HACD2: variants seen among roughly 807,000 people sequenced by gnomAD.
The protein encoded by HACD2 is 3-hydroxyacyl-CoA dehydratase 2, also known as very-long-chain (3R)-3-hydroxyacyl-CoA dehydratase 2.
Under a neutral mutation model 31.0 loss-of-function variants are expected in HACD2, and 15 were observed. That is an observed-to-expected ratio of 0.48 (90% CI 0.32 to 0.75). HACD2 has a LOEUF of 0.75. HACD2 is among the 30% of genes least tolerant of loss of function. The probability of loss-of-function intolerance (pLI) is 0.03; values close to 1 mark genes in which losing one functional copy is unlikely to be tolerated. For synonymous variants in HACD2, 115 were observed against 122.2 expected (o/e 0.94, Z 0.39); for missense variants, 283 against 313.0 (o/e 0.90, Z 0.72).
At chr3:123,511,930 C>T (rs35023533) in intron 4 of HACD2, among the ~76,000 whole-genome samples, 5,812 of 152,150 alleles carry the variant, frequency 0.038, 696 homozygotes, top group East Asian at 0.35. Flanking sequence ...GTGAAGAGCC[C>T]GTTGCCACCC....
At chr3:123,517,064 G>A (rs143265324) in intron 4 of HACD2, among the ~76,000 whole-genome samples, 1 of 152,302 alleles carries the variant, frequency 6.6e-6, no homozygotes, top group African/African-American at 2.4e-5. Context: ...TGCCATTTAA[G>A]CAGTTACCAT....
intron 4 of HACD2, among the ~76,000 whole-genome samples, chr3:123,523,691 A>G (rs1001865094): frequency 2.0e-5 from 3 of 152,182 alleles, no homozygotes; most frequent in Non-Finnish European, 4.4e-5. Flanking sequence ...TCCCAGGAAG[A>G]GGTGTCGGCA....
At chr3:123,581,733 A>C (rs1036606253) in intron 2 of HACD2, among the ~76,000 whole-genome samples, 2 of 152,196 alleles carry the variant, frequency 1.3e-5, no homozygotes, top group African/African-American at 2.4e-5. Context: ...TACTTACCCC[A>C]AGAGAGAGGG....
In HACD2 at chr3:123,524,679, T is replaced by C. The variant is rs1040029203; in HGVS notation, c.381+3707A>G. On this transcript the variant is annotated intron_variant, in intron 4 of 6. Coordinates refer to ENST00000383657, the MANE Select transcript of HACD2 (RefSeq NM_198402.5). ...ATGTTTACGTCAGGTTTTCTTGTTT[T>C]TTGTTTTGTAGAGATGAGGTCTCAC... is the stretch of plus-strand genomic sequence containing the variant. Among the ~76,000 whole-genome samples, 4 of 152,170 alleles carry C rather than the reference T, an allele frequency of 2.6e-5. No homozygotes were observed. In the East Asian group the frequency reaches 7.7e-4, roughly 29 times the overall value.
At chr3:123,531,508 C>T (rs2056360078) in intron 3 of HACD2, among the ~76,000 whole-genome samples, 1 of 151,984 alleles carries the variant, frequency 6.6e-6, no homozygotes, top group Non-Finnish European at 1.5e-5. Flanking sequence ...TTGTTAGAGG[C>T]GGAGTTTCAG....
chr3:123,541,127 C>T (rs1234033926), intron 3 of HACD2, among the ~76,000 whole-genome samples: 1 of 151,958 alleles, frequency 6.6e-6, no homozygotes, highest in Non-Finnish European at 1.5e-5. Context: ...AAAAATTAGC[C>T]GGGTGTGGTG....
chr3:123,516,344 C>A (rs1294362093), intron 4 of HACD2, among the ~76,000 whole-genome samples: 1 of 151,398 alleles, frequency 6.6e-6, no homozygotes, highest in South Asian at 2.1e-4. Context: ...ACGCCATTCT[C>A]CTGCCTCAGC....
chr3:123,526,804 A>G (rs1236096370), intron 4 of HACD2, among the ~76,000 whole-genome samples: 1 of 141,682 alleles, frequency 7.1e-6, no homozygotes, highest in Non-Finnish European at 1.6e-5. Flanking sequence ...ACCAGTTTCA[A>G]TGATCTACAC....
At chr3:123,540,250 A>G (rs940830468) in intron 3 of HACD2, among the ~76,000 whole-genome samples, 4 of 152,124 alleles carry the variant, frequency 2.6e-5, no homozygotes, top group African/African-American at 7.2e-5. Context: ...AGCTGTCCAA[A>G]TATCTGCCAC....
At chr3:123,522,293 G>C (rs1428565158) in intron 4 of HACD2, among the ~76,000 whole-genome samples, 3 of 148,818 alleles carry the variant, frequency 2.0e-5, no homozygotes, top group African/African-American at 7.4e-5. Context: ...CTCCAGCCTG[G>C]GTGATGACAG....
chr3:123,568,741 T>G (rs2056821331), intron 2 of HACD2, among the ~76,000 whole-genome samples: 1 of 152,224 alleles, frequency 6.6e-6, no homozygotes, highest in Non-Finnish European at 1.5e-5. Context: ...CTTTTCTAGG[T>G]GATATAACCT....
intron 3 of HACD2, among the ~76,000 whole-genome samples, chr3:123,557,095 C>T (rs2056680442): frequency 6.6e-6 from 1 of 152,218 alleles, no homozygotes; most frequent in African/African-American, 2.4e-5. Flanking sequence ...AAACAGGGGT[C>T]CCCAGTCCCT....
chr3:123,495,007 T>A, intron 6 of HACD2, 37 bp from the exon 7 acceptor site: 1 of 1,213,354 alleles, frequency 8.2e-7, no homozygotes. Context: ...GAGGATGGTT[T>A]AAAATTGCAT....
At chr3:123,560,692 G>C (rs987162511) in intron 3 of HACD2, among the ~76,000 whole-genome samples, 1 of 152,234 alleles carries the variant, frequency 6.6e-6, no homozygotes, top group Non-Finnish European at 1.5e-5. Flanking sequence ...GAAACTAAAA[G>C]GGAGTTAGAG....
At chr3:123,545,424 G>T (rs2056547029) in intron 3 of HACD2, among the ~76,000 whole-genome samples, 1 of 150,968 alleles carries the variant, frequency 6.6e-6, no homozygotes, top group South Asian at 2.1e-4. Context: ...AGAGGTTGCA[G>T]TGAGCCAAGA....
intron 4 of HACD2, among the ~76,000 whole-genome samples, chr3:123,524,446 A>G (rs2056253738): frequency 3.9e-5 from 6 of 152,198 alleles, no homozygotes; most frequent in Admixed American, 3.9e-4. Flanking sequence ...GTAAAAAAAC[A>G]GAGAAGCAAT....
intron 3 of HACD2, among the ~76,000 whole-genome samples, chr3:123,547,155 A>G (rs1447497585): frequency 6.6e-6 from 1 of 152,208 alleles, no homozygotes; most frequent in Non-Finnish European, 1.5e-5. Context: ...TAACTATTAT[A>G]AATAGTTGAT....
intron 3 of HACD2, among the ~76,000 whole-genome samples, chr3:123,548,433 C>A (rs2056583878): frequency 6.6e-6 from 1 of 152,294 alleles, no homozygotes; most frequent in South Asian, 2.1e-4. Flanking sequence ...TTGACCGCAA[C>A]TGCATGAGAG....
At chr3:123,567,872 GAGC>G in intron 2 of HACD2, 92 bp from the exon 3 acceptor site, 1 of 742,950 alleles carries the variant, frequency 1.3e-6, no homozygotes, top group Non-Finnish European at 2.1e-6. Context: ...AGTAAGAATA[GAGC>G]AGCGTCTGCC....
Sources: gnomAD v4.1 joint callset for allele counts (sites outside exome capture counted in the v4.1 genomes callset) on GRCh38, gnomAD v4.1.1 for gene constraint, MANE v1.5 for transcripts, NCBI Gene and HGNC (gene_info 2026-07-23, HGNC 2026-07-21) for gene names.